The following SH3TC1 variants were observed in gnomAD, a reference collection of about 807,000 sequenced individuals.
SH3TC1 encodes the protein SH3 domain and tetratricopeptide repeats 1.
In SH3TC1, 135 loss-of-function variants were observed where a neutral mutation model predicts 117.3. That is an observed-to-expected ratio of 1.15 (90% CI 1.00 to 1.33). The LOEUF (loss-of-function observed/expected upper bound fraction) is 1.33. Ranked by LOEUF, SH3TC1 falls within the 40% of genes most tolerant of loss-of-function variation. The pLI is 0.00. For missense variants in SH3TC1, 2,092 were observed against 1,794.3 expected (o/e 1.17, Z -3.00); for synonymous variants, 898 against 816.9 (o/e 1.10, Z -1.69).
At chr4:8,208,501 G>A (rs1215052668) in intron 2 of SH3TC1, among the ~76,000 whole-genome samples, 1 of 151,900 alleles carries the variant, frequency 6.6e-6, no homozygotes, top group Non-Finnish European at 1.5e-5. Context: ...CCGAGTAGCT[G>A]GGACTACAGG....
chr4:8,195,529 T>C (rs1248616115), upstream of SH3TC1, among the ~76,000 whole-genome samples: 3 of 152,052 alleles, frequency 2.0e-5, no homozygotes, highest in Non-Finnish European at 4.4e-5. Context: ...TCTTGGAAAA[T>C]TCCCCCGGCC....
chr4:8,236,993 G>T (rs116293198), intron 16 of SH3TC1: 2,886 of 166,526 alleles, frequency 0.017, 85 homozygotes, highest in African/African-American at 0.065. Flanking sequence ...AGGCTCCACA[G>T]CACTCACCCT....
chr4:8,218,055 C>T (rs532257023), intron 7 of SH3TC1, among the ~76,000 whole-genome samples: 9 of 152,064 alleles, frequency 5.9e-5, no homozygotes, highest in Non-Finnish European at 1.2e-4. Context: ...CTGAGGGGTG[C>T]GGGGCTCCCT....
rs546783000 is a variant in SH3TC1, at chr4:8,228,521, C to G, written c.2827C>G (p.Arg943Gly). The G allele has an allele frequency of 8.1e-6, 13 of 1,611,266 alleles. No individual in the cohort carries two copies. The highest frequency in any genetic ancestry group is 4.0e-5 in the African/African-American group (3 of 74,936). ...FSRLPLGECG[R>G]DFTHVLLQLG... ...GAGGCTGCCCCTTGGGGAGTGTGGCCGGGACTTCACCCACGTGCTCCTGCA... is the reference window on the plus strand; with the variant it reads ...GAGGCTGCCCCTTGGGGAGTGTGGCGGGGACTTCACCCACGTGCTCCTGCA... The change falls in exon 12 of 18, where the codon CGG (arginine) becomes GGG (glycine). Residue 943 changes from arginine (R) to glycine (G), a missense_variant. Transcript: ENST00000245105.
At chr4:8,219,257 G>T in intron 8 of SH3TC1, 78 bp from the exon 9 acceptor site, 1 of 1,388,042 alleles carries the variant, frequency 7.2e-7, no homozygotes. Context: ...GGTTCAGGGT[G>T]GCTGGCATCG....
chr4:8,229,031 G>A, intron 12 of SH3TC1: 1 of 209,452 alleles, frequency 4.8e-6, no homozygotes, highest in Non-Finnish European at 9.5e-6. Flanking sequence ...CGGTGCTTGT[G>A]CCCATGTTAT....
chr4:8,214,206 G>T (rs1348662952), intron 4 of SH3TC1, among the ~76,000 whole-genome samples: 1 of 152,096 alleles, frequency 6.6e-6, no homozygotes, highest in Non-Finnish European at 1.5e-5. Flanking sequence ...AGAGTGCTGA[G>T]GGGGAGGTGT....
chr4:8,228,682 C>T, intron 12 of SH3TC1, 38 bp downstream of exon 12: 1 of 1,404,968 alleles, frequency 7.1e-7, no homozygotes, highest in Non-Finnish European at 9.4e-7. Context: ...CTTCCGGGGC[C>T]ACTCGGGTCA....
At chr4:8,219,687 C>A (rs1719715051) in intron 9 of SH3TC1, among the ~76,000 whole-genome samples, 157 bp downstream of exon 9, 1 of 152,230 alleles carries the variant, frequency 6.6e-6, no homozygotes, top group African/African-American at 2.4e-5. Flanking sequence ...CCCCCTTGGC[C>A]CCAGTGCCTG....
At chr4:8,234,065 T>A (rs925255285) in intron 14 of SH3TC1, among the ~76,000 whole-genome samples, 4 of 146,856 alleles carry the variant, frequency 2.7e-5, no homozygotes, top group Non-Finnish European at 6.1e-5. Context: ...CCTTTTATCA[T>A]CCATCCATTT....
rs1303990418 is a variant in SH3TC1 at position 8,228,334 on chromosome 4, G to T, written c.2640G>T (p.Arg880Ser). The part of the protein sequence containing the change: ...AVALKRTGRT[R>S]QAAESYYRAL... ...CTCTGAAGAGGACGGGCCGGACGAG[G>T]CAGGCAGCTGAGAGCTACTACCGCG... The change falls in exon 12 of 18, where the codon AGG becomes AGT. Residue 880 changes from arginine (R) to serine (S), a missense_variant. Physicochemically the swap from Arg to Ser is moderately radical, Grantham distance 110. Transcript: ENST00000245105. 1 of 1,611,920 alleles carries T rather than the reference G, an allele frequency of 6.2e-7. No individual in the cohort carries two copies. Among genetic ancestry groups the T allele is most frequent in the African/African-American group, 1.3e-5 (1 of 75,066 alleles).
At chr4:8,207,484 A>G (rs1490434498) in intron 2 of SH3TC1, among the ~76,000 whole-genome samples, 1 of 152,176 alleles carries the variant, frequency 6.6e-6, no homozygotes, top group Non-Finnish European at 1.5e-5. Flanking sequence ...CTGTCTCATC[A>G]TGGGCTGGCC....
chr4:8,207,889 G>A (rs1430391908), intron 2 of SH3TC1, among the ~76,000 whole-genome samples: 1 of 152,154 alleles, frequency 6.6e-6, no homozygotes, highest in Non-Finnish European at 1.5e-5. Flanking sequence ...AAGCTGTTGG[G>A]CCGGAACTCT....
At chr4:8,233,557 C>T in intron 14 of SH3TC1, 44 bp downstream of exon 14, 1 of 1,543,430 alleles carries the variant, frequency 6.5e-7, no homozygotes, top group Non-Finnish European at 8.7e-7. Flanking sequence ...CATGTTCACT[C>T]TCCATCCATC....
chr4:8,199,265 GC>G (rs1196665475), upstream of SH3TC1: 3 of 152,302 alleles, frequency 2.0e-5, no homozygotes, highest in Non-Finnish European at 2.9e-5. Context: ...AGTCAGCCTG[GC>G]TGTGGGCGGC....
intron 17 of SH3TC1, among the ~76,000 whole-genome samples, chr4:8,238,251 G>C (rs952640405): frequency 7.2e-5 from 11 of 152,058 alleles, no homozygotes; most frequent in Non-Finnish European, 1.6e-4. Flanking sequence ...GGAAACCCCA[G>C]CTCAGGGCAG....
intron 1 of SH3TC1, among the ~76,000 whole-genome samples, chr4:8,193,959 C>G (rs537931894): frequency 6.6e-6 from 1 of 152,362 alleles, no homozygotes; most frequent in East Asian, 1.9e-4. Flanking sequence ...ATGACTGCAG[C>G]TGTCATCATT....
chr4:8,234,156 CCATCCTTCCATCATCCATCCATCCAT>C lies in SH3TC1; in HGVS notation c.3282+649_3282+674del, dbSNP rs1205176601. ...TCCATTTATCCATTCATCCATCCAT[CCATCCTTCCATCATCCATCCATCCAT>C]CATCCATCCATTCATCCATCCACCA... On this transcript the variant is annotated intron_variant, in intron 14 of 17. Transcript: ENST00000245105. Among the ~76,000 whole-genome samples, 229 of 73,326 alleles carry C rather than the reference CCATCCTTCCATCATCCATCCATCCAT, an allele frequency of 3.1e-3. 1 individual carries two copies. The highest frequency in any genetic ancestry group is 7.9e-3 in the African/African-American group (218 of 27,532). The allele number at this position is 73,326 out of a possible 152,430, so 48.1% of individuals were successfully genotyped here.
At position 8,190,586 on chromosome 4, in the gene SH3TC1, A is replaced by T. The variant is rs891499615; in HGVS notation, c.-57+8376A>T. 1.3e-5 allele frequency among the ~76,000 whole-genome samples: 2 copies of T among 151,868 alleles called. No homozygotes were observed. The highest frequency in any genetic ancestry group is 4.8e-5 in the African/African-American group (2 of 41,312). ...CCTCTGTGCACTCTCTCGGTCACCC[A>T]CACCCCACCAGCCGGCTGGTCCACA... On this transcript the variant is annotated intron_variant, in intron 1 of 16. Transcript: ENST00000508641. This position sits in a 1 kb window ranked among gnomAD's most constrained non-coding sequence, Gnocchi z 4.7.
Sources: allele counts gnomAD v4.1 joint callset (sites outside exome capture counted in the v4.1 genomes callset), GRCh38; gene constraint gnomAD v4.1.1; non-coding constraint Gnocchi (gnomAD v3.1); transcripts MANE v1.5; gene names NCBI Gene and HGNC (gene_info 2026-07-23, HGNC 2026-07-21).